CCBE1: variants seen among roughly 807,000 people sequenced by gnomAD.
CCBE1 encodes the protein collagen and calcium binding EGF domains 1, also known as collagen and calcium-binding EGF domain-containing protein 1.
CCBE1 carries 37 observed loss-of-function variants against 50.0 expected under a neutral mutation model. That is an observed-to-expected ratio of 0.74 (90% CI 0.57 to 0.97). The LOEUF is 0.97. Among genes scored for constraint, CCBE1 ranks in the 50% least tolerant of loss-of-function variants. CCBE1 has a pLI of 0.00. For synonymous variants in CCBE1, 234 were observed against 203.7 expected, an observed-to-expected ratio of 1.15 and a Z score of -1.27; for missense variants, 538 against 523.8, an observed-to-expected ratio of 1.03 and a Z score of -0.26.
intron 2 of CCBE1, among the ~76,000 whole-genome samples, chr18:59,530,087 T>C (rs1382853697): frequency 6.6e-6 from 1 of 152,164 alleles, no homozygotes; most frequent in African/African-American, 2.4e-5. Context: ...GCTGTTCTAG[T>C]TTGAGAATCA....
intron 2 of CCBE1, among the ~76,000 whole-genome samples, chr18:59,658,412 T>A (rs1394392189): frequency 6.3e-5 from 4 of 63,704 alleles, no homozygotes; most frequent in African/African-American, 5.9e-5. Context: ...TATATATATA[T>A]ATATAAAGTT....
intron 2 of CCBE1, among the ~76,000 whole-genome samples, chr18:59,573,606 C>T (rs537021307): frequency 2.6e-5 from 4 of 152,072 alleles, no homozygotes; most frequent in African/African-American, 9.6e-5. Flanking sequence ...AAGACATTCA[C>T]ACTCTTTTCT....
chr18:59,561,465 A>T (rs2052737502), intron 2 of CCBE1, among the ~76,000 whole-genome samples: 1 of 152,210 alleles, frequency 6.6e-6, no homozygotes, highest in African/African-American at 2.4e-5. Context: ...ATCCGGCCAC[A>T]GTGACTCAGT....
chr18:59,439,604 A>T, intron 8 of CCBE1, 26 bp from the exon 9 acceptor site: 1 of 1,614,260 alleles, frequency 6.2e-7, no homozygotes, highest in South Asian at 1.1e-5. Context: ...ATCTGGTTTA[A>T]CCACAGGCAA....
At chr18:59,695,411 TCA>T (rs1363759415) in intron 2 of CCBE1, among the ~76,000 whole-genome samples, 1 of 152,122 alleles carries the variant, frequency 6.6e-6, no homozygotes, top group Non-Finnish European at 1.5e-5. Flanking sequence ...ACTACCTCTC[TCA>T]TTTTGTTCAG....
chr18:59,652,482 T>A (rs531458342), intron 2 of CCBE1, among the ~76,000 whole-genome samples: 1 of 35,244 alleles, frequency 2.8e-5, no homozygotes, highest in Non-Finnish European at 8.8e-5. Context: ...ACTCCCCCCC[T>A]TTTTTTTTAA....
intron 2 of CCBE1, among the ~76,000 whole-genome samples, chr18:59,525,460 T>C (rs1299669042): frequency 6.6e-6 from 1 of 152,216 alleles, no homozygotes; most frequent in Non-Finnish European, 1.5e-5. Flanking sequence ...CTTTGTCAGA[T>C]GGATAGGTTG....
At chr18:59,485,622 A>ATTTATTTT (rs779899158) in intron 2 of CCBE1, among the ~76,000 whole-genome samples, 3 of 150,290 alleles carry the variant, frequency 2.0e-5, no homozygotes, top group Admixed American at 6.7e-5. Flanking sequence ...TTATTTATTT[A>ATTTATTTT]TTTTTTGAGA....
At chr18:59,509,013 C>T (rs1192417405) in intron 2 of CCBE1, among the ~76,000 whole-genome samples, 1 of 152,172 alleles carries the variant, frequency 6.6e-6, no homozygotes, top group African/African-American at 2.4e-5. Context: ...GGTCCCTATT[C>T]TCATTTACCT....
At chr18:59,596,117 C>A (rs1272449311) in intron 2 of CCBE1, among the ~76,000 whole-genome samples, 1 of 152,170 alleles carries the variant, frequency 6.6e-6, no homozygotes, top group Non-Finnish European at 1.5e-5. Flanking sequence ...AATAAGGGGT[C>A]TGAACAGAGT....
Position 59,437,989 on chromosome 18 carries a change from C to T in CCBE1, c.987+122G>A. On this transcript the variant is annotated intron_variant, in intron 10 of 10. Transcript: ENST00000439986. ...CTCTTCCTAACCACAGAGTTCTGTTCAGGTGGGCTGAGTGGCATCAGGAAG... is the reference window on the plus strand; with the variant it reads ...CTCTTCCTAACCACAGAGTTCTGTTTAGGTGGGCTGAGTGGCATCAGGAAG... The T allele has an allele frequency of 8.5e-6, 7 of 824,514 alleles. No individual in the cohort carries two copies. In the South Asian group the frequency reaches 1.0e-4, roughly 12 times the overall value. The allele number at this position is 824,514 out of a possible 1,614,324, so 51.1% of individuals were successfully genotyped here.
In CCBE1 at chr18:59,649,341, A is replaced by T. The variant is rs555305694; in HGVS notation, c.212+47288T>A. 2.4e-4 allele frequency among the ~76,000 whole-genome samples: 36 copies of T among 152,368 alleles called. 1 individual carries two copies. Among genetic ancestry groups the T allele is most frequent in the Admixed American group, 1.7e-3 (26 of 15,302 alleles). ...CACTGTGCATGTCAAACATCCTGGG[A>T]AGCAGTTTAACGTTTAACAGTTGAT... is the stretch of plus-strand genomic sequence containing the variant. On this transcript the variant is annotated intron_variant, in intron 2 of 10. Coordinates refer to ENST00000439986, the MANE Select transcript of CCBE1 (RefSeq NM_133459.4).
At position 59,489,507 on chromosome 18, in the gene CCBE1, G is replaced by A. The variant is rs1158689542; in HGVS notation, c.213-9269C>T. On this transcript the variant is annotated intron_variant, in intron 2 of 10. Coordinates refer to ENST00000439986, the MANE Select transcript of CCBE1 (RefSeq NM_133459.4). ...CAGCTCACTGCAACCTCTACCTCCTGGGTTCAAGTGATTCTCCTGCCTCAG... is the reference window on the plus strand; with the variant it reads ...CAGCTCACTGCAACCTCTACCTCCTAGGTTCAAGTGATTCTCCTGCCTCAG... 1.3e-5 allele frequency among the ~76,000 whole-genome samples: 2 copies of A among 152,022 alleles called. 1 individual carries two copies. Among genetic ancestry groups the A allele is most frequent in the South Asian group, 4.2e-4 (2 of 4,798 alleles).
chr18:59,690,804 G>A (rs945107949), intron 2 of CCBE1, among the ~76,000 whole-genome samples: 19 of 152,172 alleles, frequency 1.2e-4, no homozygotes, highest in Non-Finnish European at 2.8e-4. Flanking sequence ...GTGGGAAGGC[G>A]GGGGACCCCC....
At chr18:59,680,030 G>A (rs891869366) in intron 2 of CCBE1, among the ~76,000 whole-genome samples, 1 of 151,718 alleles carries the variant, frequency 6.6e-6, no homozygotes, top group African/African-American at 2.4e-5. Flanking sequence ...AGACCAACTC[G>A]GACAACATGG....
At chr18:59,573,017 C>T (rs2052937479) in intron 2 of CCBE1, among the ~76,000 whole-genome samples, 1 of 151,894 alleles carries the variant, frequency 6.6e-6, no homozygotes, top group Non-Finnish European at 1.5e-5. Flanking sequence ...GGCACAGTGG[C>T]TCACACCTGT....
intron 2 of CCBE1, among the ~76,000 whole-genome samples, chr18:59,677,197 G>A (rs12454067): frequency 0.24 from 37,206 of 152,080 alleles, 5,317 homozygotes; most frequent in Non-Finnish European, 0.32. Context: ...GCCTGGACCA[G>A]GATGATGTCG....
chr18:59,642,932 G>A (rs1252845310), intron 2 of CCBE1, among the ~76,000 whole-genome samples: 4 of 120,528 alleles, frequency 3.3e-5, no homozygotes, highest in Non-Finnish European at 6.4e-5. Context: ...CCTGGCAACA[G>A]AGTGAGACTC....
At chr18:59,657,625 C>A (rs552118049) in intron 2 of CCBE1, among the ~76,000 whole-genome samples, 23 of 152,366 alleles carry the variant, frequency 1.5e-4, no homozygotes, top group African/African-American at 5.5e-4. Context: ...AGCATGGTGG[C>A]TCACGCCTAT....
Sources: gnomAD v4.1 joint callset for allele counts (sites outside exome capture counted in the v4.1 genomes callset) on GRCh38, gnomAD v4.1.1 for gene constraint, MANE v1.5 for transcripts, NCBI Gene and HGNC (gene_info 2026-07-23, HGNC 2026-07-21) for gene names.